The following OPRD1 variants were observed in gnomAD, a reference collection of about 807,000 sequenced individuals.
OPRD1 encodes the protein opioid receptor delta 1.
A neutral mutation model predicts 17.5 loss-of-function variants in OPRD1; 19 were observed. The observed-to-expected ratio is 1.09, with a 90% CI of 0.76 to 1.60. The LOEUF (loss-of-function observed/expected upper bound fraction) is 1.60, where lower values mean the gene tolerates loss of function less well. OPRD1 is among the 40% of genes most tolerant of loss of function. The pLI is 0.00. For missense variants in OPRD1, 483 were observed against 547.2 expected (o/e 0.88, Z 1.17); for synonymous variants, 256 against 240.9 (o/e 1.06, Z -0.58).
At chr1:28,826,650 C>G (rs2088771095) in intron 1 of OPRD1, among the ~76,000 whole-genome samples, 1 of 152,148 alleles carries the variant, frequency 6.6e-6, no homozygotes, top group Non-Finnish European at 1.5e-5. Flanking sequence ...ATCATCTGAG[C>G]CTTCAGCAAA....
intron 1 of OPRD1, among the ~76,000 whole-genome samples, chr1:28,836,467 G>A (rs979054517): frequency 1.4e-5 from 2 of 146,770 alleles, no homozygotes; most frequent in African/African-American, 5.1e-5. Flanking sequence ...CCGAGATCGC[G>A]CCACTACACT....
intron 2 of OPRD1, among the ~76,000 whole-genome samples, chr1:28,860,362 TAAA>T (rs1553151572): frequency 6.1e-5 from 3 of 49,362 alleles, no homozygotes; most frequent in Admixed American, 3.5e-4. Flanking sequence ...GGGACTTGTC[TAAA>T]AAAAAAAAAA....
chr1:28,852,721 T>C (rs28485136), intron 1 of OPRD1, among the ~76,000 whole-genome samples: 147 of 152,240 alleles, frequency 9.7e-4, no homozygotes, highest in Non-Finnish European at 1.7e-3. Context: ...ATTTATTTTT[T>C]ATTTTTTATT....
Position 28,865,577 on chromosome 1 carries a change from G to A in OPRD1, c.*2294G>A, listed in dbSNP as rs918412155. The A allele has an allele frequency of 1.3e-5, 2 of 152,196 alleles. No homozygotes were observed. Among genetic ancestry groups the A allele is most frequent in the African/African-American group, 4.8e-5 (2 of 41,442 alleles). 9.4% of individuals were successfully genotyped at this position (152,196 alleles called of 1,614,324 possible). A position where few individuals can be genotyped will look rare whatever the true frequency, so the allele number is the denominator to read the frequency against. On this transcript the variant is annotated 3_prime_UTR_variant, in exon 3 of 3. Coordinates refer to ENST00000234961, the MANE Select transcript of OPRD1 (RefSeq NM_000911.4). ...AGGCTCCCAGCAGCCCCAGACCCGG[G>A]GATGTGCCTCCTTTGGGAAATGGCT...
chr1:28,863,085 C>T lies in OPRD1; in HGVS notation c.921C>T (p.Gly307=), dbSNP rs2234918. Residue 307 remains glycine (G), a synonymous_variant, in exon 3 of 3, where the codon GGC becomes GGT. Coordinates refer to ENST00000234961, the MANE Select transcript of OPRD1 (RefSeq NM_000911.4). The stretch of plus-strand genomic sequence containing the variant: ...CGCTGCACCTGTGCATCGCGCTGGG[C>T]TACGCCAATAGCAGCCTCAACCCCG... ...VAALHLCIAL[G]YANSSLNPVL... The T allele has an allele frequency of 0.56, 895,269 of 1,607,094 alleles. 255,002 individuals carry two copies. The highest frequency in any genetic ancestry group is 0.78 in the East Asian group (35,011 of 44,634).
intron 1 of OPRD1, among the ~76,000 whole-genome samples, chr1:28,827,898 T>A (rs2088778963): frequency 6.6e-6 from 1 of 152,056 alleles, no homozygotes; most frequent in African/African-American, 2.4e-5. Flanking sequence ...CTAATTTATT[T>A]ATTTTTTATT....
chr1:28,860,113 C>G (rs2089099642), intron 2 of OPRD1, among the ~76,000 whole-genome samples: 1 of 152,156 alleles, frequency 6.6e-6, no homozygotes, highest in East Asian at 1.9e-4. Flanking sequence ...GCCTGTAATC[C>G]CAGCATTTTG....
chr1:28,861,031 G>C (rs1455813040), intron 2 of OPRD1, among the ~76,000 whole-genome samples: 1 of 152,140 alleles, frequency 6.6e-6, no homozygotes, highest in Non-Finnish European at 1.5e-5. Context: ...CCCAGTGTGT[G>C]CCATCAGCAC....
At chr1:28,838,236 A>C (rs1019688218) in intron 1 of OPRD1, among the ~76,000 whole-genome samples, 1 of 152,160 alleles carries the variant, frequency 6.6e-6, no homozygotes, top group Non-Finnish European at 1.5e-5. Context: ...CCTAGAATGT[A>C]GACATCTGCC....
At position 28,852,199 on chromosome 1, in the gene OPRD1, A is replaced by C. The variant is rs193029929; in HGVS notation, c.228-6755A>C. Among the ~76,000 whole-genome samples the C allele has an allele frequency of 7.3e-4, 110 of 151,280 alleles. 1 individual carries two copies. The highest frequency in any genetic ancestry group is 2.2e-3 in the African/African-American group (91 of 41,258). ...AAAAAAAAAAAAAGAAAAGAAAGAA[A>C]GAAAAGAAAGTGGGGAGGAAAGGTC... On this transcript the variant is annotated intron_variant, in intron 1 of 2. Coordinates refer to ENST00000234961, the MANE Select transcript of OPRD1 (RefSeq NM_000911.4).
In OPRD1 at chr1:28,844,117, A is replaced by T. The variant is rs368662956; in HGVS notation, c.228-14837A>T. On this transcript the variant is annotated intron_variant, in intron 1 of 2. Transcript: ENST00000234961. Reference sequence around the variant, plus strand: ...ACCATTTTACATTTCCAAAAACGGTACACGAGAGTTCCAGTTTCTTCAAAT... The same window carrying T: ...ACCATTTTACATTTCCAAAAACGGTTCACGAGAGTTCCAGTTTCTTCAAAT... 5.3e-5 allele frequency among the ~76,000 whole-genome samples: 8 copies of T among 150,818 alleles called. No individual in the cohort carries two copies. The South Asian group carries it at 1.1e-3, about 20-fold the overall frequency.
At position 28,863,204 on chromosome 1, in the gene OPRD1, G is replaced by A. The variant is rs753737057; in HGVS notation, c.1040G>A (p.Arg347His). 12 of 1,585,436 alleles carry A rather than the reference G, an allele frequency of 7.6e-6. No homozygotes were observed. In the East Asian group the frequency reaches 2.1e-4, roughly 27 times the overall value. The change falls in exon 3 of 3, where the codon CGC (arginine) becomes CAC (histidine). Residue 347 changes from arginine to histidine, a missense_variant. Transcript: ENST00000234961. Reference protein sequence around the residue: ...CGRPDPSSFSRAREATARERV... With the variant: ...CGRPDPSSFSHAREATARERV... ...CGCCCAGACCCCAGCAGCTTCAGCC[G>A]CGCCCGCGAAGCCACGGCCCGCGAG...
chr1:28,837,105 G>C (rs1398214773), intron 1 of OPRD1, among the ~76,000 whole-genome samples: 1 of 152,096 alleles, frequency 6.6e-6, no homozygotes, highest in Non-Finnish European at 1.5e-5. Context: ...TCCCATCTAG[G>C]GGTGATGAGA....
chr1:28,815,630 C>G (rs571352457), intron 1 of OPRD1, among the ~76,000 whole-genome samples: 1 of 152,160 alleles, frequency 6.6e-6, no homozygotes, highest in Admixed American at 6.5e-5. Context: ...GTGGGGAGAG[C>G]GCAGCCCGGG....
chr1:28,818,987 C>T (rs116828845), intron 1 of OPRD1, among the ~76,000 whole-genome samples: 2,369 of 150,000 alleles, frequency 0.016, 57 homozygotes, highest in African/African-American at 0.056. Context: ...TTGGAGCAAT[C>T]TGTGCAGAAT....
intron 1 of OPRD1, among the ~76,000 whole-genome samples, chr1:28,837,801 G>T (rs12089573): frequency 0.16 from 23,587 of 149,142 alleles, 2,123 homozygotes; most frequent in Admixed American, 0.23. Context: ...GATTACAGGT[G>T]TGAGCCATGA....
chr1:28,855,617 C>T (rs1466979284), intron 1 of OPRD1, among the ~76,000 whole-genome samples: 2 of 152,200 alleles, frequency 1.3e-5, no homozygotes. Context: ...CAGCGCTGGG[C>T]CGCTCAGCCC....
intron 1 of OPRD1, among the ~76,000 whole-genome samples, chr1:28,848,105 GGGCGGGAT>G (rs2088969201): frequency 6.6e-6 from 1 of 151,890 alleles, no homozygotes; most frequent in Non-Finnish European, 1.5e-5. Flanking sequence ...AAAATTAGCC[GGGCGGGAT>G]GGCGGGTACC....
chr1:28,851,864 GAAAA>G (rs71586865), intron 1 of OPRD1, among the ~76,000 whole-genome samples: 6 of 93,540 alleles, frequency 6.4e-5, no homozygotes, highest in African/African-American at 1.2e-4. Context: ...TCAAAAAAAA[GAAAA>G]AAAAAAAAAA....
Sources: gnomAD v4.1 joint callset for allele counts (sites outside exome capture counted in the v4.1 genomes callset) on GRCh38, gnomAD v4.1.1 for gene constraint, MANE v1.5 for transcripts, NCBI Gene and HGNC (gene_info 2026-07-23, HGNC 2026-07-21) for gene names.